TRIM69: variants seen among roughly 807,000 people sequenced by gnomAD.
TRIM69 encodes E3 ubiquitin-protein ligase TRIM69.
A neutral mutation model predicts 37.7 loss-of-function variants in TRIM69; 29 were observed. The observed-to-expected ratio is 0.77, with a 90% CI of 0.57 to 1.05. The LOEUF (loss-of-function observed/expected upper bound fraction) is 1.05, where lower values mean the gene tolerates loss of function less well. TRIM69 is among the 50% of genes least tolerant of loss of function. TRIM69 has a pLI of 0.00. For missense variants in TRIM69, 596 were observed against 579.9 expected (o/e 1.03, Z -0.28); for synonymous variants, 209 against 212.4 (o/e 0.98, Z 0.14).
Position 44,743,120 on chromosome 15 carries a change from G to T in TRIM69, c.6+6410G>T, listed in dbSNP as rs972503774. On this transcript the variant is annotated intron_variant, in intron 1 of 6. Coordinates refer to ENST00000329464, the MANE Select transcript of TRIM69 (RefSeq NM_182985.5). The stretch of plus-strand genomic sequence containing the variant: ...TGGTACTGGTACCAAAACAGAGATA[G>T]AGATCAATGGAACAGAACAGAGCCC... Among the ~76,000 whole-genome samples the T allele has an allele frequency of 2.6e-3, 398 of 152,088 alleles. 1 individual carries two copies. Among genetic ancestry groups the T allele is most frequent in the African/African-American group, 9.0e-3 (374 of 41,510 alleles).
At chr15:44,754,826 A>G in intron 1 of TRIM69, 74 bp from the exon 2 acceptor site, 1 of 1,075,250 alleles carries the variant, frequency 9.3e-7, no homozygotes, top group African/African-American at 1.6e-5. Context: ...TCCTTTAGGA[A>G]TGGCGCCATC....
In TRIM69 at chr15:44,743,078, C is replaced by T. The variant is rs370221125; in HGVS notation, c.6+6368C>T. Among the ~76,000 whole-genome samples the T allele has an allele frequency of 1.4e-3, 207 of 152,200 alleles. 1 individual carries two copies. The highest frequency in any genetic ancestry group is 4.8e-3 in the African/African-American group (200 of 41,520). ...GACTTCAAACTATACTACAAGGCTA[C>T]AGTAACCAAAACAGCATGGTACTGG... On this transcript the variant is annotated intron_variant, in intron 1 of 6. Transcript: ENST00000329464.
At chr15:44,754,494 C>T (rs1441501261) in intron 1 of TRIM69, 2 of 164,104 alleles carry the variant, frequency 1.2e-5, no homozygotes, top group East Asian at 3.6e-4. Context: ...TTGACGATAT[C>T]ACACTACTGA....
chr15:44,767,053 C>CTAAAAAA (rs2087904826), intron 6 of TRIM69, among the ~76,000 whole-genome samples, 178 bp from the exon 7 acceptor site: 1 of 24,312 alleles, frequency 4.1e-5, no homozygotes, highest in Non-Finnish European at 6.9e-5. Context: ...TTGTCTGCCT[C>CTAAAAAA]AAAAAAAAAA....
chr15:44,736,690 G>T lies in TRIM69; in HGVS notation c.-15G>T, dbSNP rs1382713644. 6.2e-7 allele frequency: 1 copy of T among 1,610,790 alleles called. No homozygotes were observed. The highest frequency in any genetic ancestry group is 1.7e-5 in the Admixed American group (1 of 59,664). ...TTCAAGTGCCTGCCTCTGCCCCTTG[G>T]TGGGCTGAAGCTTCATGGAGGTGAG... On this transcript the variant is annotated 5_prime_UTR_variant, in exon 1 of 7. Transcript: ENST00000329464.
chr15:44,756,686 T>C (rs1253667929), intron 3 of TRIM69: 1 of 404,042 alleles, frequency 2.5e-6, no homozygotes. Context: ...CCTAATATGC[T>C]GATCTTTTCG....
At position 44,759,639 on chromosome 15, in the gene TRIM69, G is replaced by C; in HGVS notation, c.814-1G>C. 1 of 1,613,868 alleles carries C rather than the reference G, an allele frequency of 6.2e-7. No individual in the cohort carries two copies. The highest frequency in any genetic ancestry group is 8.5e-7 in the Non-Finnish European group (1 of 1,179,878). On this transcript the variant is annotated splice_acceptor_variant, in intron 4 of 6. Coordinates refer to ENST00000329464, the MANE Select transcript of TRIM69 (RefSeq NM_182985.5). LOFTEE classifies it high-confidence loss of function. ...ATGTCTCTCTTTCTCCTTTCTTCTAGGACATCACAACTCTCTTACATAGGT... is the reference window on the plus strand; with the variant it reads ...ATGTCTCTCTTTCTCCTTTCTTCTACGACATCACAACTCTCTTACATAGGT...
intron 1 of TRIM69, among the ~76,000 whole-genome samples, chr15:44,747,755 T>A (rs1400562375): frequency 6.6e-6 from 1 of 151,988 alleles, no homozygotes; most frequent in Middle Eastern, 3.2e-3. Context: ...ACAGACTCAA[T>A]CAAAAGCATT....
intron 6 of TRIM69, among the ~76,000 whole-genome samples, chr15:44,765,845 A>G (rs1050346915): frequency 5.9e-5 from 9 of 152,302 alleles, no homozygotes; most frequent in Admixed American, 3.9e-4. Flanking sequence ...AATAAATCCA[A>G]TAACAACAAA....
intron 1 of TRIM69, among the ~76,000 whole-genome samples, chr15:44,744,566 T>G (rs2087363070): frequency 6.6e-6 from 1 of 152,146 alleles, no homozygotes; most frequent in Non-Finnish European, 1.5e-5. Flanking sequence ...AATCAAAAGC[T>G]TACAGCAACC....
Position 44,736,681 on chromosome 15 carries a change from T to C in TRIM69, c.-24T>C. 1 of 1,611,416 alleles carries C rather than the reference T, an allele frequency of 6.2e-7. No homozygotes were observed. ...GAGCTCTGATTCAAGTGCCTGCCTC[T>C]GCCCCTTGGTGGGCTGAAGCTTCAT... On this transcript the variant is annotated 5_prime_UTR_variant, in exon 1 of 7. Transcript: ENST00000329464.
chr15:44,742,543 T>C (rs199838483), intron 1 of TRIM69, among the ~76,000 whole-genome samples: 20,548 of 31,708 alleles, frequency 0.65, 7,827 homozygotes, highest in Middle Eastern at 0.9. Flanking sequence ...TGTTTGCAGA[T>C]GACATGATTG....
chr15:44,759,932 A>T, intron 6 of TRIM69, 60 bp downstream of exon 6: 1 of 1,560,936 alleles, frequency 6.4e-7, no homozygotes, highest in Non-Finnish European at 8.7e-7. Flanking sequence ...AATCTGTGGG[A>T]CTTCTTCTGT....
chr15:44,747,174 A>G (rs1220920716), intron 1 of TRIM69, among the ~76,000 whole-genome samples: 1 of 152,208 alleles, frequency 6.6e-6, no homozygotes, highest in Non-Finnish European at 1.5e-5. Flanking sequence ...CATTTGTTAT[A>G]CAGATTTGAG....
intron 1 of TRIM69, among the ~76,000 whole-genome samples, chr15:44,751,787 C>G (rs779760639): frequency 7.2e-5 from 11 of 152,088 alleles, no homozygotes; most frequent in Non-Finnish European, 7.3e-5. Flanking sequence ...GTTTTGTCAC[C>G]CATGCTGGAG....
intron 6 of TRIM69, among the ~76,000 whole-genome samples, chr15:44,762,767 T>A (rs2087804054): frequency 1.3e-5 from 2 of 152,108 alleles, no homozygotes; most frequent in Admixed American, 1.3e-4. Context: ...CTTGAAAAAA[T>A]GGAAGACATT....
At chr15:44,753,250 A>G (rs2087572555) in intron 1 of TRIM69, 1 of 152,062 alleles carries the variant, frequency 6.6e-6, no homozygotes, top group Non-Finnish European at 1.5e-5. Flanking sequence ...TTATCTGGGA[A>G]TGTCTTAATT....
At chr15:44,746,307 A>G (rs2087405801) in intron 1 of TRIM69, among the ~76,000 whole-genome samples, 1 of 152,184 alleles carries the variant, frequency 6.6e-6, no homozygotes, top group Admixed American at 6.5e-5. Flanking sequence ...AGACAGACAA[A>G]AACTGAGCTT....
chr15:44,743,515 G>C (rs1311684040), intron 1 of TRIM69, among the ~76,000 whole-genome samples: 7 of 152,296 alleles, frequency 4.6e-5, no homozygotes, highest in Non-Finnish European at 2.9e-5. Context: ...ACTACCATCA[G>C]AGTGAACAGG....
Sources: allele counts gnomAD v4.1 joint callset (sites outside exome capture counted in the v4.1 genomes callset), GRCh38; gene constraint gnomAD v4.1.1; transcripts MANE v1.5; gene names NCBI Gene and HGNC (gene_info 2026-07-23, HGNC 2026-07-21).